MED23: variants seen among roughly 807,000 people sequenced by gnomAD.
MED23 encodes mediator complex subunit 23.
MED23 carries 105 observed loss-of-function variants against 163.9 expected under a neutral mutation model. The observed-to-expected ratio is 0.64, with a 90% confidence interval of 0.55 to 0.75. The LOEUF (loss-of-function observed/expected upper bound fraction) is 0.75, where lower values mean the gene tolerates loss of function less well. Among genes scored for constraint, MED23 ranks in the 30% least tolerant of loss-of-function variants. MED23 has a pLI of 0.00. For synonymous variants in MED23, 561 were observed against 565.6 expected (o/e 0.99, Z 0.12); for missense variants, 1,054 against 1,649.0 (o/e 0.64, Z 6.25).
chr6:131,606,715 C>T (rs1775878533), intron 12 of MED23, 91 bp from the exon 13 acceptor site: 4 of 1,110,484 alleles, frequency 3.6e-6, no homozygotes, highest in Admixed American at 2.0e-5. Context: ...TCTAATATAA[C>T]TCTTTTTAGC....
rs773844022 is a variant in MED23 at position 131,618,390 on chromosome 6, T to C, written c.780+17A>G. The C allele has an allele frequency of 3.8e-5, 59 of 1,552,574 alleles. 1 individual carries two copies. Among genetic ancestry groups the C allele is most frequent in the Admixed American group, 1.7e-5 (1 of 59,852 alleles). On this transcript the variant is annotated intron_variant, in intron 9 of 28. Coordinates refer to ENST00000368068, the MANE Select transcript of MED23 (RefSeq NM_004830.4). Reference sequence around the variant, plus strand: ...CTGTCAGATGGACTAAAAGTGCCATTATATTTAGCAACATACCTTATCATA... The same window carrying C: ...CTGTCAGATGGACTAAAAGTGCCATCATATTTAGCAACATACCTTATCATA...
chr6:131,574,559 G>A (rs1773521205), intron 30 of MED23, among the ~76,000 whole-genome samples: 1 of 152,140 alleles, frequency 6.6e-6, no homozygotes, highest in African/African-American at 2.4e-5. Context: ...TTAAAACATG[G>A]TCATGAGAAT....
Position 131,598,154 on chromosome 6 carries a change from G to C in MED23, c.2607+133C>G. Reference sequence around the variant, plus strand: ...ATTGGAAAATTTCCGGCTCTTTAGGGAAGTGACAGCAATGCTTGATATAGT... The same window carrying C: ...ATTGGAAAATTTCCGGCTCTTTAGGCAAGTGACAGCAATGCTTGATATAGT... On this transcript the variant is annotated intron_variant, in intron 20 of 28. Transcript: ENST00000368068. This position sits in a 1 kb window ranked among gnomAD's most constrained non-coding sequence, Gnocchi z 4.7. 1 of 930,410 alleles carries C rather than the reference G, an allele frequency of 1.1e-6. No individual in the cohort carries two copies. Among genetic ancestry groups the C allele is most frequent in the Non-Finnish European group, 1.6e-6 (1 of 610,424 alleles). 57.6% of individuals were successfully genotyped at this position (930,410 alleles called of 1,614,324 possible).
chr6:131,595,650 T>G (rs1324522080), intron 22 of MED23, among the ~76,000 whole-genome samples: 1 of 152,190 alleles, frequency 6.6e-6, no homozygotes, highest in Non-Finnish European at 1.5e-5. Context: ...TGCTATATTT[T>G]CCCTGCTGCT....
chr6:131,577,661 G>A (rs1217681064), intron 30 of MED23, among the ~76,000 whole-genome samples: 1 of 151,986 alleles, frequency 6.6e-6, no homozygotes, highest in Admixed American at 6.6e-5. Context: ...TATCACTTTG[G>A]GAAGCCAAGG....
At position 131,598,427 on chromosome 6, in the gene MED23, C is replaced by A. The variant is rs778679408; in HGVS notation, c.2467G>T (p.Val823Leu). The stretch of plus-strand genomic sequence containing the variant: ...ACCAGGAAATCTGCAAATGTCCTCA[C>A]ATGGGCTACCAAGGCCCTGGCTCCA... ...RIGARALVAH[V>L]RTFADFLVYE... The change falls in exon 20 of 29, where the codon GTG becomes TTG. Residue 823 changes from valine (V) to leucine (L), a missense_variant. Val to Leu is a conservative substitution (Grantham distance 32). Transcript: ENST00000368068. The surrounding 1 kb of genome is among the most constrained non-coding windows in gnomAD (Gnocchi z 4.7). 2 of 1,614,192 alleles carry A rather than the reference C, an allele frequency of 1.2e-6. No individual in the cohort carries two copies. Among genetic ancestry groups the A allele is most frequent in the South Asian group, 1.1e-5 (1 of 91,088 alleles).
chr6:131,608,626 G>GA (rs1776034844), intron 11 of MED23, among the ~76,000 whole-genome samples: 1 of 152,100 alleles, frequency 6.6e-6, no homozygotes, highest in African/African-American at 2.4e-5. Flanking sequence ...GGCTGGTCTC[G>GA]AACTCCTGAA....
intron 10 of MED23, among the ~76,000 whole-genome samples, chr6:131,613,841 CAATTG>C (rs1776451079): frequency 1.3e-5 from 2 of 151,858 alleles, no homozygotes; most frequent in Non-Finnish European, 2.9e-5. Context: ...GAAATACTCT[CAATTG>C]TTTTGTCAAT....
chr6:131,589,679 A>T (rs1312263030), intron 27 of MED23, 83 bp from the exon 28 acceptor site: 1 of 1,283,606 alleles, frequency 7.8e-7, no homozygotes, highest in Non-Finnish European at 1.1e-6. Context: ...CCATTACAAC[A>T]CTAGCACCGG....
At chr6:131,607,874 T>C in intron 12 of MED23, 54 bp downstream of exon 12, 1 of 1,574,614 alleles carries the variant, frequency 6.4e-7, no homozygotes, top group South Asian at 1.1e-5. Flanking sequence ...TAAACATAAA[T>C]TAGACATAAT....
At chr6:131,627,124 A>T in intron 3 of MED23, 1 of 386,424 alleles carries the variant, frequency 2.6e-6, no homozygotes, top group Non-Finnish European at 4.6e-6. Flanking sequence ...GAATAGGATG[A>T]AAATGATCTC....
At position 131,587,366 on chromosome 6, in the gene MED23, A is replaced by G; in HGVS notation, c.*313T>C. The G allele has an allele frequency of 8.5e-7, 1 of 1,175,316 alleles. No homozygotes were observed. The highest frequency in any genetic ancestry group is 1.1e-6 in the Non-Finnish European group (1 of 949,224). 72.8% of individuals were successfully genotyped at this position (1,175,316 alleles called of 1,614,324 possible). A position where few individuals can be genotyped will look rare whatever the true frequency, so the allele number is the denominator to read the frequency against. On this transcript the variant is annotated 3_prime_UTR_variant, in exon 29 of 29. Transcript: ENST00000368068. ...AATACAAACAAAAACAACGGCTAGA[A>G]TAGGAAAGACTGAAAGTGCCAATGA...
rs79954704 is a variant in MED23 at position 131,598,143 on chromosome 6, G to A, written c.2607+144C>T. 8.5e-3 allele frequency: 7,312 copies of A among 857,410 alleles called. 364 individuals are homozygous for A. In the African/African-American group the frequency reaches 0.11, roughly 13 times the overall value. 53.1% of individuals were successfully genotyped at this position (857,410 alleles called of 1,614,324 possible). The stretch of plus-strand genomic sequence containing the variant: ...CAAAAACAGAAATTGGAAAATTTCC[G>A]GCTCTTTAGGGAAGTGACAGCAATG... On this transcript the variant is annotated intron_variant, in intron 20 of 28. Transcript: ENST00000368068. The surrounding 1 kb of genome is among the most constrained non-coding windows in gnomAD (Gnocchi z 4.7).
intron 5 of MED23, among the ~76,000 whole-genome samples, chr6:131,622,249 G>A (rs180929784): frequency 2.6e-4 from 39 of 152,266 alleles, no homozygotes; most frequent in East Asian, 1.5e-3. Flanking sequence ...AAGGGTTTAC[G>A]TTGTTACAAG....
At chr6:131,627,726 T>G in intron 1 of MED23, 54 bp from the exon 2 acceptor site, 1,364 of 1,384,896 alleles carry the variant, frequency 9.8e-4, no homozygotes, top group Non-Finnish European at 1.3e-3. Flanking sequence ...AAAAGGCGCC[T>G]CCCTTAGCCA....
intron 20 of MED23, among the ~76,000 whole-genome samples, chr6:131,597,324 A>C (rs1775122459): frequency 6.6e-6 from 1 of 151,740 alleles, no homozygotes; most frequent in Non-Finnish European, 1.5e-5. Context: ...AAAATACAAA[A>C]AATTAGCCGG....
Position 131,596,656 on chromosome 6 carries a change from C to T in MED23, c.2640G>A (p.Gln880=). The T allele has an allele frequency of 6.2e-7, 1 of 1,614,070 alleles. No homozygotes were observed. Among genetic ancestry groups the T allele is most frequent in the Non-Finnish European group, 8.5e-7 (1 of 1,179,996 alleles). ...GCAACTGAATTATGAAATAACAAAC[C>T]TGGGCTTCATTTCCTTCGTGACTAC... The part of the protein sequence containing the change: ...AMRSHEGNEA[Q]VCYFIIQLLL... The change falls in exon 21 of 29, where the codon CAG becomes CAA. Residue 880 remains glutamine, a synonymous_variant. Transcript: ENST00000368068.
At chr6:131,614,444 CTGG>C (rs1057222704) in intron 10 of MED23, among the ~76,000 whole-genome samples, 22 of 152,108 alleles carry the variant, frequency 1.4e-4, no homozygotes, top group African/African-American at 5.3e-4. Flanking sequence ...AATCAAAAAG[CTGG>C]TCTATTTTAA....
At chr6:131,613,859 C>A (rs1776454252) in intron 10 of MED23, among the ~76,000 whole-genome samples, 1 of 151,974 alleles carries the variant, frequency 6.6e-6, no homozygotes, top group Admixed American at 6.6e-5. Context: ...TTGTCAATTT[C>A]TAGTTTGAGA....
Sources: gnomAD v4.1 joint callset for allele counts (sites outside exome capture counted in the v4.1 genomes callset) on GRCh38, gnomAD v4.1.1 for gene constraint, Gnocchi (gnomAD v3.1) non-coding constraint, MANE v1.5 for transcripts, NCBI Gene and HGNC (gene_info 2026-07-23, HGNC 2026-07-21) for gene names.